The following AFTPH variants were observed in gnomAD, a reference collection of about 807,000 sequenced individuals.
AFTPH encodes the protein aftiphilin.
A neutral mutation model predicts 72.5 loss-of-function variants in AFTPH; 7 were observed. That is an observed-to-expected ratio of 0.10 (90% CI 0.05 to 0.18). AFTPH has a LOEUF of 0.18. Ranked by LOEUF, AFTPH falls within the 10% of genes least tolerant of loss-of-function variation. The pLI, the probability that AFTPH is intolerant of heterozygous loss-of-function variation, is 1.00. For synonymous variants in AFTPH, 337 were observed against 370.1 expected (o/e 0.91, Z 1.03); for missense variants, 979 against 1,060.5 (o/e 0.92, Z 1.07).
At chr2:64,547,839 A>G (rs1006541151) in intron 1 of AFTPH, among the ~76,000 whole-genome samples, 1 of 151,994 alleles carries the variant, frequency 6.6e-6, no homozygotes, top group Non-Finnish European at 1.5e-5. Flanking sequence ...CTGGAGTAGT[A>G]CAGTGGTGTG....
chr2:64,550,730 C>CACACACACAA (rs1299044267), intron 1 of AFTPH, among the ~76,000 whole-genome samples: 1 of 140,262 alleles, frequency 7.1e-6, no homozygotes, highest in Admixed American at 7.0e-5. Context: ...CACACACACA[C>CACACACACAA]AACTGGTGAA....
chr2:64,544,492 G>A (rs141918564), intron 1 of AFTPH, among the ~76,000 whole-genome samples: 30 of 152,270 alleles, frequency 2.0e-4, no homozygotes, highest in African/African-American at 6.5e-4. Context: ...TCCTTGTGGT[G>A]TGGATGGAGA....
At position 64,585,595 on chromosome 2, in the gene AFTPH, C is replaced by T. The variant is rs772658938; in HGVS notation, c.2579+50C>T. 21 of 1,553,336 alleles carry T rather than the reference C, an allele frequency of 1.4e-5. No homozygotes were observed. In the Admixed American group the frequency reaches 1.4e-4, roughly 10 times the overall value. ...CCACATTTTGAATTCTGAGATAAAA[C>T]GACCCAAAGGAAAAAGCATGTCAGT... On this transcript the variant is annotated intron_variant, in intron 8 of 8. Transcript: ENST00000238856.
At chr2:64,559,470 G>T (rs1671586350) in intron 2 of AFTPH, among the ~76,000 whole-genome samples, 1 of 152,154 alleles carries the variant, frequency 6.6e-6, no homozygotes, top group Admixed American at 6.5e-5. Flanking sequence ...CAGCCCAGGA[G>T]CCAGCAGGCT....
At chr2:64,562,338 CTTT>C (rs776199844) in intron 2 of AFTPH, among the ~76,000 whole-genome samples, 9 of 126,374 alleles carry the variant, frequency 7.1e-5, no homozygotes, top group Admixed American at 1.6e-4. Flanking sequence ...AGGCGAAGTG[CTTT>C]TTTTTTTTTT....
chr2:64,568,981 G>A, intron 3 of AFTPH, 111 bp from the exon 4 acceptor site: 2 of 1,156,432 alleles, frequency 1.7e-6, no homozygotes, highest in Non-Finnish European at 2.6e-6. Context: ...ACTTACGTTG[G>A]ACCCAAGAGT....
intron 7 of AFTPH, 76 bp downstream of exon 7, chr2:64,579,622 G>A: frequency 7.7e-7 from 1 of 1,294,358 alleles, no homozygotes; most frequent in Non-Finnish European, 1.1e-6. Flanking sequence ...ACTTCTCTCT[G>A]CTGATTTCCT....
intron 1 of AFTPH, among the ~76,000 whole-genome samples, chr2:64,529,689 G>A (rs993916168): frequency 2.4e-4 from 36 of 150,728 alleles, no homozygotes; most frequent in Middle Eastern, 3.4e-3. Flanking sequence ...GAGTACAGTG[G>A]AGTGATCATG....
chr2:64,587,387 G>T (rs900853571), intron 8 of AFTPH, among the ~76,000 whole-genome samples: 3 of 152,146 alleles, frequency 2.0e-5, no homozygotes, highest in Admixed American at 6.5e-5. Context: ...ACAAATGCCC[G>T]CAAGTCTTAA....
chr2:64,571,658 A>T (rs1672439615), intron 5 of AFTPH, among the ~76,000 whole-genome samples: 2 of 152,220 alleles, frequency 1.3e-5, no homozygotes, highest in Non-Finnish European at 2.9e-5. Flanking sequence ...AAATTTACAG[A>T]TTCTAACATT....
At chr2:64,538,608 G>C (rs116389214) in intron 1 of AFTPH, among the ~76,000 whole-genome samples, 2 of 152,116 alleles carry the variant, frequency 1.3e-5, no homozygotes, top group African/African-American at 4.8e-5. Context: ...TAATTGTTTT[G>C]TTTCCTTCTG....
chr2:64,586,718 T>A lies in AFTPH; in HGVS notation c.2579+1173T>A, dbSNP rs150774814. Reference sequence around the variant, plus strand: ...CTCATAGCCCCATGTCTTTGCAGTATGCCACCTGGCATTGCCAAAGCCTCC... The same window carrying A: ...CTCATAGCCCCATGTCTTTGCAGTAAGCCACCTGGCATTGCCAAAGCCTCC... On this transcript the variant is annotated intron_variant, in intron 8 of 8. Transcript: ENST00000238856. Among the ~76,000 whole-genome samples, 1,335 of 152,368 alleles carry A rather than the reference T, an allele frequency of 8.8e-3. 13 individuals are homozygous for A. Among genetic ancestry groups the A allele is most frequent in the African/African-American group, 0.03 (1,230 of 41,578 alleles).
intron 8 of AFTPH, among the ~76,000 whole-genome samples, chr2:64,591,272 G>A (rs963263891): frequency 2.0e-5 from 3 of 152,168 alleles, no homozygotes; most frequent in Admixed American, 6.5e-5. Context: ...CCAGAGTTCC[G>A]TCCTGCCTGT....
At chr2:64,564,987 C>CGCCACCAT (rs1328027428) in intron 2 of AFTPH, among the ~76,000 whole-genome samples, 1 of 151,710 alleles carries the variant, frequency 6.6e-6, no homozygotes, top group Admixed American at 6.6e-5. Context: ...TACAGGCGTG[C>CGCCACCAT]GCCACCATGC....
At chr2:64,553,432 T>A in intron 2 of AFTPH, 23 bp downstream of exon 2, 1 of 1,532,070 alleles carries the variant, frequency 6.5e-7, no homozygotes, top group Non-Finnish European at 8.7e-7. Context: ...TTTCTCTATT[T>A]TGTATGATGT....
intron 2 of AFTPH, among the ~76,000 whole-genome samples, chr2:64,559,319 T>A (rs2103984262): frequency 6.6e-6 from 1 of 151,398 alleles, no homozygotes; most frequent in East Asian, 1.9e-4. Context: ...GAAGTGGAGG[T>A]AGTAGAGAGA....
At chr2:64,562,590 C>G (rs1363552998) in intron 2 of AFTPH, among the ~76,000 whole-genome samples, 1 of 152,206 alleles carries the variant, frequency 6.6e-6, no homozygotes, top group Non-Finnish European at 1.5e-5. Flanking sequence ...TAACCTCTTT[C>G]TGCTCTGCTT....
rs564189094 is a variant in AFTPH, at chr2:64,549,758, T to C, written c.-32-1685T>C. ...GGAAGGATTATTCAACAAAAGGGAT[T>C]AAGACCATTGCTTGGCTGTTGAGAA... On this transcript the variant is annotated intron_variant, in intron 1 of 8. Transcript: ENST00000238856. Among the ~76,000 whole-genome samples, 3 of 151,238 alleles carry C rather than the reference T, an allele frequency of 2.0e-5. No homozygotes were observed. In the South Asian group the frequency reaches 6.2e-4, roughly 31 times the overall value.
At chr2:64,573,382 G>C (rs1271024274) in intron 6 of AFTPH, among the ~76,000 whole-genome samples, 1 of 149,524 alleles carries the variant, frequency 6.7e-6, no homozygotes, top group Non-Finnish European at 1.5e-5. Context: ...CTTACAGTTT[G>C]AATATTGTGT....
Sources: allele counts gnomAD v4.1 joint callset (sites outside exome capture counted in the v4.1 genomes callset), GRCh38; gene constraint gnomAD v4.1.1; transcripts MANE v1.5; gene names NCBI Gene and HGNC (gene_info 2026-07-23, HGNC 2026-07-21).